SNTG1: variants seen among roughly 807,000 people sequenced by gnomAD.
The protein encoded by SNTG1 is syntrophin gamma 1.
A neutral mutation model predicts 74.7 loss-of-function variants in SNTG1; 39 were observed. The ratio of observed to expected loss-of-function variants is 0.52; its 90% CI spans 0.40 to 0.68. SNTG1 has a LOEUF of 0.68. Ranked by LOEUF, SNTG1 falls within the 30% of genes least tolerant of loss-of-function variation. The pLI is 0.00. For synonymous variants in SNTG1, 254 were observed against 217.1 expected (o/e 1.17, Z -1.49); for missense variants, 685 against 609.5 (o/e 1.12, Z -1.30).
At chr8:50,448,572 T>C (rs976883377) in intron 5 of SNTG1, among the ~76,000 whole-genome samples, 2 of 152,220 alleles carry the variant, frequency 1.3e-5, no homozygotes, top group African/African-American at 4.8e-5. Context: ...GACATTTTAT[T>C]CTTTTATGTA....
chr8:50,049,049 T>C (rs1390257428), intron 1 of SNTG1, among the ~76,000 whole-genome samples: 2 of 151,280 alleles, frequency 1.3e-5, no homozygotes, highest in African/African-American at 2.4e-5. Flanking sequence ...AATAAAATTA[T>C]ATAAAATGCT....
intron 2 of SNTG1, among the ~76,000 whole-genome samples, chr8:50,361,351 C>T (rs1484591372): frequency 6.6e-6 from 1 of 152,130 alleles, no homozygotes; most frequent in Admixed American, 6.6e-5. Flanking sequence ...GCCTGAAGCT[C>T]TTCTTGAGGA....
intron 1 of SNTG1, among the ~76,000 whole-genome samples, chr8:50,168,319 A>G (rs2082694657): frequency 6.6e-6 from 1 of 152,172 alleles, no homozygotes; most frequent in Non-Finnish European, 1.5e-5. Context: ...TAAGGCCACA[A>G]ATTGTAGATT....
intron 5 of SNTG1, among the ~76,000 whole-genome samples, chr8:50,448,641 G>T (rs1216531612): frequency 6.6e-6 from 1 of 152,052 alleles, no homozygotes; most frequent in Non-Finnish European, 1.5e-5. Flanking sequence ...ACAGAAATGG[G>T]ATTCTTTTTC....
At chr8:50,049,865 G>C (rs1027847948) in intron 1 of SNTG1, among the ~76,000 whole-genome samples, 1 of 152,004 alleles carries the variant, frequency 6.6e-6, no homozygotes, top group African/African-American at 2.4e-5. Flanking sequence ...ATGGATCAAA[G>C]GAGAAGTCTC....
At chr8:50,607,384 T>C (rs2094820383) in intron 13 of SNTG1, among the ~76,000 whole-genome samples, 1 of 151,744 alleles carries the variant, frequency 6.6e-6, no homozygotes, top group Non-Finnish European at 1.5e-5. Flanking sequence ...TTTTTTGTTC[T>C]TTTAAAAGTA....
chr8:50,247,783 C>A (rs1166691013), intron 2 of SNTG1, among the ~76,000 whole-genome samples: 2 of 152,040 alleles, frequency 1.3e-5, no homozygotes, highest in African/African-American at 4.8e-5. Context: ...CTCAGCTTCC[C>A]AAAGTGTTGG....
intron 1 of SNTG1, among the ~76,000 whole-genome samples, chr8:50,006,065 C>T (rs1332862412): frequency 4.1e-5 from 6 of 144,960 alleles, no homozygotes; most frequent in Admixed American, 1.4e-4. Context: ...TGGGTTCAAG[C>T]GATTCTCCTG....
At chr8:50,411,970 G>C (rs892963972) in intron 4 of SNTG1, among the ~76,000 whole-genome samples, 5 of 152,150 alleles carry the variant, frequency 3.3e-5, no homozygotes, top group Admixed American at 2.6e-4. Flanking sequence ...GATTAGGATA[G>C]ACAGAACAGA....
chr8:50,722,064 T>C (rs2095488914), intron 17 of SNTG1, among the ~76,000 whole-genome samples: 1 of 147,368 alleles, frequency 6.8e-6, no homozygotes, highest in South Asian at 2.2e-4. Context: ...ATTTCAACAT[T>C]TCATCTTCAA....
chr8:50,180,916 A>C (rs951769306), intron 2 of SNTG1, among the ~76,000 whole-genome samples: 3 of 151,922 alleles, frequency 2.0e-5, no homozygotes, highest in Non-Finnish European at 4.4e-5. Flanking sequence ...GCACGCCACC[A>C]TGCCTGGCTA....
chr8:49,932,634 A>C (rs990373753), intron 1 of SNTG1, among the ~76,000 whole-genome samples: 2 of 152,030 alleles, frequency 1.3e-5, no homozygotes, highest in Non-Finnish European at 2.9e-5. Context: ...TTCCCATAAC[A>C]TAATACTTAC....
chr8:50,675,532 A>G (rs922540597), intron 15 of SNTG1, among the ~76,000 whole-genome samples: 4 of 149,846 alleles, frequency 2.7e-5, no homozygotes, highest in Non-Finnish European at 5.9e-5. Context: ...CCATCCCTTT[A>G]TTCTGAGCCT....
intron 1 of SNTG1, among the ~76,000 whole-genome samples, chr8:50,053,544 C>T (rs1341437457): frequency 1.3e-5 from 2 of 151,212 alleles, no homozygotes; most frequent in Non-Finnish European, 2.9e-5. Flanking sequence ...GAATTATAGA[C>T]TTCAAAAGTG....
intron 4 of SNTG1, among the ~76,000 whole-genome samples, chr8:50,416,822 CTA>C (rs1490166194): frequency 6.6e-6 from 1 of 151,716 alleles, no homozygotes; most frequent in African/African-American, 2.4e-5. Flanking sequence ...GTGCTGAACT[CTA>C]TGTCATGGAT....
intron 2 of SNTG1, among the ~76,000 whole-genome samples, chr8:50,195,937 C>T (rs969559747): frequency 2.6e-5 from 4 of 152,078 alleles, no homozygotes; most frequent in East Asian, 1.9e-4. Context: ...GTCCTGCCTC[C>T]GGTCCTCCAT....
intron 2 of SNTG1, among the ~76,000 whole-genome samples, chr8:50,211,336 G>A (rs757823761): frequency 1.3e-5 from 2 of 152,090 alleles, no homozygotes; most frequent in Non-Finnish European, 2.9e-5. Flanking sequence ...GGCTTTTGAA[G>A]TGATTTGGTA....
chr8:50,745,680 A>C (rs548908956), intron 17 of SNTG1, among the ~76,000 whole-genome samples: 2 of 152,026 alleles, frequency 1.3e-5, no homozygotes, highest in Admixed American at 6.6e-5. Flanking sequence ...AAATGAATGG[A>C]TAAACAAAAT....
intron 1 of SNTG1, among the ~76,000 whole-genome samples, chr8:49,917,878 G>A (rs774751037): frequency 1.3e-5 from 2 of 152,136 alleles, no homozygotes; most frequent in Non-Finnish European, 1.5e-5. Context: ...AAGAGTCCTC[G>A]ACTCAGCTCT....
Sources: allele counts gnomAD v4.1 joint callset (sites outside exome capture counted in the v4.1 genomes callset), GRCh38; gene constraint gnomAD v4.1.1; transcripts MANE v1.5; gene names NCBI Gene and HGNC (gene_info 2026-07-23, HGNC 2026-07-21).